ALMS1: variants seen among roughly 807,000 people sequenced by gnomAD.
ALMS1 encodes the protein centrosome-associated protein ALMS1.
ALMS1 carries 271 observed loss-of-function variants against 352.2 expected under a neutral mutation model. The ratio of observed to expected loss-of-function variants is 0.77; its 90% CI spans 0.70 to 0.85. ALMS1 has a LOEUF of 0.85. Ranked by LOEUF, ALMS1 falls within the 40% of genes least tolerant of loss-of-function variation. The pLI, the probability that ALMS1 is intolerant of heterozygous loss-of-function variation, is 0.00. For missense variants in ALMS1, 5,445 were observed against 4,870.7 expected, an observed-to-expected ratio of 1.12 and a Z score of -3.51; for synonymous variants, 1,865 against 1,761.2, an observed-to-expected ratio of 1.06 and a Z score of -1.48.
chr2:73,505,862 TG>T (rs1265649653), intron 10 of ALMS1, among the ~76,000 whole-genome samples: 1 of 152,238 alleles, frequency 6.6e-6, no homozygotes, highest in Admixed American at 6.5e-5. Context: ...ATGAAACCTT[TG>T]CCCATGCCTA....
intron 10 of ALMS1, among the ~76,000 whole-genome samples, chr2:73,506,766 T>G (rs1185945428): frequency 6.6e-6 from 1 of 152,210 alleles, no homozygotes; most frequent in East Asian, 1.9e-4. Flanking sequence ...TTGAATACCC[T>G]TTATTTCTTT....
At chr2:73,400,132 AG>A (rs886537485) in intron 1 of ALMS1, among the ~76,000 whole-genome samples, 2 of 151,702 alleles carry the variant, frequency 1.3e-5, no homozygotes, top group East Asian at 3.9e-4. Context: ...GAGGTGGCAG[AG>A]GGGGGTCTCA....
intron 7 of ALMS1, among the ~76,000 whole-genome samples, chr2:73,437,106 A>G (rs1005702637): frequency 4.6e-5 from 7 of 152,132 alleles, no homozygotes; most frequent in African/African-American, 1.7e-4. Flanking sequence ...CAAGATCTCC[A>G]TTGTTTTTGT....
intron 15 of ALMS1, among the ~76,000 whole-genome samples, chr2:73,568,645 G>T (rs1674851940): frequency 6.6e-6 from 1 of 152,224 alleles, no homozygotes; most frequent in Middle Eastern, 3.4e-3. Flanking sequence ...GAACTAGGAG[G>T]TTCAGAGATA....
chr2:73,496,700 G>A (rs1485945219), intron 10 of ALMS1, among the ~76,000 whole-genome samples: 2 of 152,108 alleles, frequency 1.3e-5, no homozygotes, highest in Admixed American at 6.5e-5. Flanking sequence ...ATTCCTGCTA[G>A]CAATGGGTGA....
intron 12 of ALMS1, among the ~76,000 whole-genome samples, chr2:73,547,109 T>C (rs1484399079): frequency 2.0e-5 from 3 of 152,230 alleles, no homozygotes; most frequent in Non-Finnish European, 2.9e-5. Context: ...TATTATAAAA[T>C]AGACTTCATG....
intron 16 of ALMS1, among the ~76,000 whole-genome samples, chr2:73,574,480 T>C (rs1675010761): frequency 6.6e-6 from 1 of 152,180 alleles, no homozygotes; most frequent in Non-Finnish European, 1.5e-5. Flanking sequence ...TAAATAAATA[T>C]CTATTTTGAC....
chr2:73,542,136 C>A (rs541050829), intron 12 of ALMS1, among the ~76,000 whole-genome samples: 3 of 152,090 alleles, frequency 2.0e-5, no homozygotes, highest in Non-Finnish European at 4.4e-5. Flanking sequence ...ACTGGAAAAC[C>A]GAATCCAGCA....
intron 16 of ALMS1, among the ~76,000 whole-genome samples, chr2:73,576,359 ATTTC>A (rs1553418972): frequency 6.6e-6 from 1 of 152,066 alleles, no homozygotes; most frequent in Non-Finnish European, 1.5e-5. Context: ...CATATGTGCA[ATTTC>A]TTTCTTAATT....
chr2:73,399,811 A>G lies in ALMS1; in HGVS notation c.325-8811A>G, dbSNP rs1291689039. ...AGATACTCTATGTCAAGTTGAGAAT[A>G]TTCCCCTCTATTCCTATTTTAATGA... On this transcript the variant is annotated intron_variant, in intron 1 of 22. Transcript: ENST00000613296. Among the ~76,000 whole-genome samples the G allele has an allele frequency of 2.6e-5, 4 of 151,894 alleles. No individual in the cohort carries two copies. The East Asian group carries it at 7.7e-4, about 29-fold the overall frequency.
Position 73,520,031 on chromosome 2 carries a change from T to C in ALMS1, c.9781+15T>C. ...CGGCACAGATGGTAAGAGAATGTGA[T>C]TGCATTTTAGATTGTTAGACCAGCT... On this transcript the variant is annotated intron_variant, in intron 11 of 22. Transcript: ENST00000613296. 6.2e-7 allele frequency: 1 copy of C among 1,614,100 alleles called. No individual in the cohort carries two copies. Among genetic ancestry groups the C allele is most frequent in the Admixed American group, 1.7e-5 (1 of 60,034 alleles).
chr2:73,465,654 A>G (rs917576471), intron 9 of ALMS1, among the ~76,000 whole-genome samples: 7 of 152,060 alleles, frequency 4.6e-5, no homozygotes, highest in Non-Finnish European at 7.4e-5. Flanking sequence ...TAATTAAACT[A>G]AAGAGTTTCT....
At chr2:73,472,280 T>G (rs879742175) in intron 9 of ALMS1, among the ~76,000 whole-genome samples, 1 of 151,996 alleles carries the variant, frequency 6.6e-6, no homozygotes, top group Non-Finnish European at 1.5e-5. Flanking sequence ...GTTTTTACAT[T>G]AGTAGATCTA....
chr2:73,525,447 A>G (rs1673770882), intron 11 of ALMS1, among the ~76,000 whole-genome samples: 1 of 152,128 alleles, frequency 6.6e-6, no homozygotes, highest in South Asian at 2.1e-4. Context: ...TTGTTGTTGT[A>G]TATCTTTTGA....
In ALMS1 at chr2:73,491,394, A is replaced by G; in HGVS notation, c.9435A>G (p.Ile3145Met). The G allele has an allele frequency of 1.2e-6, 2 of 1,614,148 alleles. No homozygotes were observed. Among genetic ancestry groups the G allele is most frequent in the Non-Finnish European group, 1.7e-6 (2 of 1,180,024 alleles). ...SNTITQDLKT[I>M]PSQNSQIVTS... ...CTATTACTCAGGACTTGAAAACCAT[A>G]CCTTCTCAGAATAGCCAGATAGTAA... The change falls in exon 10 of 23, where the codon ATA becomes ATG. Residue 3145 changes from isoleucine to methionine, a missense_variant. Physicochemically the swap from Ile to Met is conservative, Grantham distance 10. Coordinates refer to ENST00000613296, the MANE Select transcript of ALMS1 (RefSeq NM_001378454.1).
intron 9 of ALMS1, among the ~76,000 whole-genome samples, chr2:73,473,222 G>T (rs1372097064): frequency 1.3e-5 from 2 of 150,946 alleles, no homozygotes; most frequent in East Asian, 4.0e-4. Flanking sequence ...TTGATGGAAT[G>T]CCCCAACACA....
chr2:73,432,551 C>G (rs1671521446), intron 7 of ALMS1, among the ~76,000 whole-genome samples: 1 of 149,254 alleles, frequency 6.7e-6, no homozygotes, highest in African/African-American at 2.6e-5. Flanking sequence ...CTGGGAGATT[C>G]AGTGTCTTGT....
At position 73,573,211 on chromosome 2, in the gene ALMS1, G is replaced by C; in HGVS notation, c.11334G>C (p.Arg3778Ser). 6.2e-7 allele frequency: 1 copy of C among 1,612,986 alleles called. No homozygotes were observed. Among genetic ancestry groups the C allele is most frequent in the Non-Finnish European group, 8.5e-7 (1 of 1,179,216 alleles). Residue 3778 changes from arginine (R) to serine (S), a missense_variant, in exon 16 of 23, where the codon AGG (arginine) becomes AGC (serine). By Grantham distance (110) the Arg-to-Ser change is moderately radical. Transcript: ENST00000613296. ...QTDREVALHE[R>S]SSSVSTIDTA... is the part of the protein sequence containing the mutation. ...ATAGAGAGGTGGCTCTGCACGAAAG[G>C]AGTAGCTCTGTTTCCACTATTGACA...
intron 11 of ALMS1, 123 bp from the exon 12 acceptor site, chr2:73,534,696 TTTCTC>T: frequency 1.1e-6 from 1 of 917,230 alleles, no homozygotes; most frequent in Non-Finnish European, 1.7e-6. Context: ...CAGAGATACA[TTTCTC>T]TTTGTTTACT....
Sources: gnomAD v4.1 joint callset for allele counts (sites outside exome capture counted in the v4.1 genomes callset) on GRCh38, gnomAD v4.1.1 for gene constraint, MANE v1.5 for transcripts, NCBI Gene and HGNC (gene_info 2026-07-23, HGNC 2026-07-21) for gene names.